Variants in ABCC9 observed in about 807,000 individuals in gnomAD.
The protein encoded by ABCC9 is ATP binding cassette subfamily C member 9, also known as ATP-binding cassette sub-family C member 9.
In ABCC9, 95 loss-of-function variants were observed where a neutral mutation model predicts 188.3. The observed-to-expected ratio is 0.50, with a 90% CI of 0.43 to 0.60. The LOEUF (loss-of-function observed/expected upper bound fraction) is 0.60, where lower values mean the gene tolerates loss of function less well. Ranked by LOEUF, ABCC9 falls within the 20% of genes least tolerant of loss-of-function variation. The pLI, the probability that ABCC9 is intolerant of heterozygous loss-of-function variation, is 0.00. For missense variants in ABCC9, 1,102 were observed against 1,876.3 expected (o/e 0.59, Z 7.62); for synonymous variants, 659 against 652.7 (o/e 1.01, Z -0.15).
At chr12:21,836,374 C>A (rs1194826851) in intron 30 of ABCC9, among the ~76,000 whole-genome samples, 3 of 152,214 alleles carry the variant, frequency 2.0e-5, no homozygotes, top group Non-Finnish European at 4.4e-5. Context: ...CAGACAGCTT[C>A]TCTGTACTTA....
intron 25 of ABCC9, among the ~76,000 whole-genome samples, chr12:21,846,161 A>G (rs1944660363): frequency 6.6e-6 from 1 of 152,208 alleles, no homozygotes; most frequent in African/African-American, 2.4e-5. Flanking sequence ...TGGCTTACAA[A>G]CATCTACAAT....
intron 24 of ABCC9, among the ~76,000 whole-genome samples, chr12:21,850,210 G>A (rs1592065425): frequency 6.6e-6 from 1 of 151,184 alleles, no homozygotes; most frequent in East Asian, 1.9e-4. Flanking sequence ...GTCTCCAAAT[G>A]TTGCCAAATG....
intron 35 of ABCC9, among the ~76,000 whole-genome samples, chr12:21,812,463 T>A (rs1454979802): frequency 6.6e-6 from 1 of 152,168 alleles, no homozygotes; most frequent in Non-Finnish European, 1.5e-5. Context: ...TGCCCATCAA[T>A]GATAGAGTGG....
At chr12:21,802,069 G>C (rs888134931) in intron 39 of ABCC9, among the ~76,000 whole-genome samples, 2 of 152,134 alleles carry the variant, frequency 1.3e-5, no homozygotes, top group Admixed American at 6.6e-5. Context: ...CAGTGTTATG[G>C]TTAAGAGAAC....
At chr12:21,886,362 C>G (rs1946873921) in intron 15 of ABCC9, among the ~76,000 whole-genome samples, 1 of 151,954 alleles carries the variant, frequency 6.6e-6, no homozygotes, top group Admixed American at 6.6e-5. Flanking sequence ...TTCCTTGAGT[C>G]CTCTTTCTCC....
chr12:21,920,783 AT>A (rs970610417), intron 5 of ABCC9, among the ~76,000 whole-genome samples: 3 of 151,712 alleles, frequency 2.0e-5, no homozygotes, highest in East Asian at 3.9e-4. Context: ...AATTGTTTTT[AT>A]TTTTTTGCTC....
intron 39 of ABCC9, chr12:21,805,224 G>A (rs763540906): frequency 3.1e-6 from 5 of 1,613,952 alleles, no homozygotes; most frequent in Non-Finnish European, 4.2e-6. Context: ...TTGTGGGCGA[G>A]CAAATTTGGG....
chr12:21,802,484 C>G (rs892325557), intron 39 of ABCC9, among the ~76,000 whole-genome samples: 2 of 152,096 alleles, frequency 1.3e-5, no homozygotes, highest in African/African-American at 4.8e-5. Flanking sequence ...CATTTTAACC[C>G]AATCTATTCA....
chr12:21,806,831 C>T (rs1941881685), intron 38 of ABCC9, among the ~76,000 whole-genome samples: 1 of 152,166 alleles, frequency 6.6e-6, no homozygotes, highest in Admixed American at 6.6e-5. Context: ...ACACATTTGA[C>T]AATTTCAAAT....
chr12:21,830,908 G>T (rs868528534), intron 30 of ABCC9, among the ~76,000 whole-genome samples: 13 of 152,248 alleles, frequency 8.5e-5, no homozygotes, highest in Middle Eastern at 3.4e-3. Context: ...GAGAACAACT[G>T]AAGGGTAGGG....
At chr12:21,837,593 A>C (rs1237441258) in intron 30 of ABCC9, among the ~76,000 whole-genome samples, 1 of 152,194 alleles carries the variant, frequency 6.6e-6, no homozygotes, top group Non-Finnish European at 1.5e-5. Flanking sequence ...ACAAACCTTG[A>C]AGAAAAAGGA....
chr12:21,895,050 C>A (rs1016599339), intron 13 of ABCC9, among the ~76,000 whole-genome samples: 1 of 152,184 alleles, frequency 6.6e-6, no homozygotes, highest in South Asian at 2.1e-4. Flanking sequence ...TGCTGCCAAA[C>A]GTCCTAACAC....
chr12:21,923,549 A>G (rs904984344), intron 5 of ABCC9: 1 of 339,092 alleles, frequency 2.9e-6, no homozygotes, highest in East Asian at 4.7e-5. Flanking sequence ...ATAATTAGCA[A>G]TCAGATAAAT....
Position 21,800,962 on chromosome 12 carries a change from T to C in ABCC9, c.*82A>G. The C allele has an allele frequency of 6.5e-7, 1 of 1,548,914 alleles. No homozygotes were observed. Among genetic ancestry groups the C allele is most frequent in the East Asian group, 2.3e-5 (1 of 44,224 alleles). Reference sequence around the variant, plus strand: ...ATCTGTAAAAGTTTTAAGATGCCACTTTACAGAGGTCAAGCTGATGATCCA... The same window carrying C: ...ATCTGTAAAAGTTTTAAGATGCCACCTTACAGAGGTCAAGCTGATGATCCA... On this transcript the variant is annotated 3_prime_UTR_variant, in exon 40 of 40. Coordinates refer to ENST00000261200, the MANE Select transcript of ABCC9 (RefSeq NM_020297.4).
chr12:21,831,959 C>T (rs893116543), intron 30 of ABCC9, among the ~76,000 whole-genome samples: 1 of 152,140 alleles, frequency 6.6e-6, no homozygotes, highest in African/African-American at 2.4e-5. Context: ...TGTTTCAGAT[C>T]CACTCTTAAA....
chr12:21,832,175 GA>G (rs972187155), intron 30 of ABCC9, among the ~76,000 whole-genome samples: 1 of 152,042 alleles, frequency 6.6e-6, no homozygotes, highest in African/African-American at 2.4e-5. Flanking sequence ...TGTCAGACAA[GA>G]AAAAAATAGG....
At chr12:21,923,842 C>T (rs1365672505) in intron 5 of ABCC9, 2 of 700,258 alleles carry the variant, frequency 2.9e-6, no homozygotes, top group Admixed American at 4.0e-5. Flanking sequence ...CTTTTACTCT[C>T]ATGATGGCTA....
At chr12:21,814,265 CT>C (rs1942452921) in intron 35 of ABCC9, among the ~76,000 whole-genome samples, 1 of 152,106 alleles carries the variant, frequency 6.6e-6, no homozygotes, top group Non-Finnish European at 1.5e-5. Context: ...CCTCCTTGTA[CT>C]TTTTTCCTTT....
chr12:21,837,720 T>A (rs932233022), intron 30 of ABCC9, among the ~76,000 whole-genome samples: 3 of 152,210 alleles, frequency 2.0e-5, no homozygotes, highest in African/African-American at 7.2e-5. Flanking sequence ...ATAGTCAGTG[T>A]GGTTAATACT....
Sources: gnomAD v4.1 joint callset for allele counts (sites outside exome capture counted in the v4.1 genomes callset) on GRCh38, gnomAD v4.1.1 for gene constraint, MANE v1.5 for transcripts, NCBI Gene and HGNC (gene_info 2026-07-23, HGNC 2026-07-21) for gene names.